Variants in GNB4 observed in about 807,000 individuals in gnomAD.
GNB4 encodes guanine nucleotide-binding protein subunit beta-4.
GNB4 carries 28 observed loss-of-function variants against 45.2 expected under a neutral mutation model. That is an observed-to-expected ratio of 0.62 (90% confidence interval 0.46 to 0.85). The LOEUF is 0.85. GNB4 is among the 40% of genes least tolerant of loss of function. The pLI is 0.00. For synonymous variants in GNB4, 132 were observed against 143.7 expected, an observed-to-expected ratio of 0.92 and a Z score of 0.58; for missense variants, 321 against 425.4, an observed-to-expected ratio of 0.75 and a Z score of 2.16.
chr3:179,513,859 A>C, the GNB4 span, among the ~76,000 whole-genome samples: 1 of 152,238 alleles, frequency 6.6e-6, no homozygotes, highest in Non-Finnish European at 1.5e-5. Flanking sequence ...AAAATATAAA[A>C]TAAAAGCCCT....
At chr3:179,430,283 G>C (rs766269348) in intron 1 of GNB4, among the ~76,000 whole-genome samples, 14 of 152,038 alleles carry the variant, frequency 9.2e-5, no homozygotes, top group Admixed American at 2.6e-4. Flanking sequence ...TAGAGACAGG[G>C]TCGCCATGTT....
the GNB4 span, among the ~76,000 whole-genome samples, chr3:179,519,548 G>C: frequency 1.5e-3 from 229 of 152,118 alleles, no homozygotes; most frequent in African/African-American, 4.3e-3. Flanking sequence ...CCCCAACTCT[G>C]GTGCCAACTT....
chr3:179,486,186 A>C, the GNB4 span, among the ~76,000 whole-genome samples: 1 of 144,220 alleles, frequency 6.9e-6, no homozygotes, highest in South Asian at 2.2e-4. Flanking sequence ...GTGCCACTGC[A>C]CTCCAGCTTG....
At chr3:179,477,528 C>T in the GNB4 span, among the ~76,000 whole-genome samples, 6 of 152,142 alleles carry the variant, frequency 3.9e-5, no homozygotes, top group African/African-American at 1.2e-4. Context: ...GAGACCTTAT[C>T]AGAATGACCT....
In GNB4 at chr3:179,434,905, C is replaced by T. The variant is rs182553369; in HGVS notation, c.-42-8663G>A. On this transcript the variant is annotated intron_variant, in intron 1 of 9. Transcript: ENST00000232564. ...CTCCAGCCTGGGCAGCAGAATGACA[C>T]CCTGTCTCTTAAAAATAAATAAATA... Among the ~76,000 whole-genome samples the T allele has an allele frequency of 5.3e-5, 8 of 151,976 alleles. 2 individuals carry two copies. The highest frequency in any genetic ancestry group is 2.1e-4 in the South Asian group (1 of 4,816).
At chr3:179,430,855 T>C (rs1358436116) in intron 1 of GNB4, among the ~76,000 whole-genome samples, 5 of 152,160 alleles carry the variant, frequency 3.3e-5, no homozygotes, top group African/African-American at 1.2e-4. Context: ...TTTTTATTTA[T>C]AAAATGTTCT....
the GNB4 span, among the ~76,000 whole-genome samples, chr3:179,500,506 T>C: frequency 6.6e-6 from 1 of 152,374 alleles, no homozygotes; most frequent in African/African-American, 2.4e-5. Context: ...TAGTTTGAAG[T>C]CAGGTAGCGT....
chr3:179,407,518 A>G (rs982041693), intron 8 of GNB4, among the ~76,000 whole-genome samples: 1 of 152,192 alleles, frequency 6.6e-6, no homozygotes, highest in African/African-American at 2.4e-5. Flanking sequence ...TTACTACCTT[A>G]CTACCATCTT....
chr3:179,467,322 C>T, the GNB4 span, among the ~76,000 whole-genome samples: 2 of 152,168 alleles, frequency 1.3e-5, no homozygotes, highest in African/African-American at 4.8e-5. Context: ...AGAATTTATA[C>T]TTAGGCATAG....
At chr3:179,516,931 T>C in the GNB4 span, among the ~76,000 whole-genome samples, 2 of 152,188 alleles carry the variant, frequency 1.3e-5, no homozygotes, top group Non-Finnish European at 2.9e-5. Flanking sequence ...TTGCAGTGAA[T>C]GACTCCAGCT....
chr3:179,415,791 A>C (rs531022573), intron 5 of GNB4, among the ~76,000 whole-genome samples: 1 of 152,210 alleles, frequency 6.6e-6, no homozygotes, highest in Admixed American at 6.5e-5. Flanking sequence ...AATGTGCTTA[A>C]TGATGATTAA....
the GNB4 span, among the ~76,000 whole-genome samples, chr3:179,511,673 T>C: frequency 6.6e-6 from 1 of 152,022 alleles, no homozygotes; most frequent in Admixed American, 6.5e-5. Flanking sequence ...GAGGATTAAA[T>C]GATGTTAATA....
intron 1 of GNB4, among the ~76,000 whole-genome samples, chr3:179,444,073 C>T (rs967327370): frequency 8.5e-5 from 13 of 152,164 alleles, no homozygotes; most frequent in Non-Finnish European, 1.9e-4. Context: ...CTTCAGCATC[C>T]TCTCATAATC....
At chr3:179,466,723 T>C in the GNB4 span, among the ~76,000 whole-genome samples, 2 of 152,344 alleles carry the variant, frequency 1.3e-5, no homozygotes, top group East Asian at 3.9e-4. Context: ...AGAAGTATTA[T>C]GTCAACCTGT....
At position 179,399,893 on chromosome 3, in the gene GNB4, G is replaced by A; in HGVS notation, c.*1320C>T. 6.6e-6 allele frequency: 1 copy of A among 152,160 alleles called. No homozygotes were observed. Among genetic ancestry groups the A allele is most frequent in the South Asian group, 2.1e-4 (1 of 4,832 alleles). The allele number at this position is 152,160 out of a possible 1,614,324, so 9.4% of individuals were successfully genotyped here. A position where few individuals can be genotyped will look rare whatever the true frequency, so the allele number is the denominator to read the frequency against. On this transcript the variant is annotated 3_prime_UTR_variant, in exon 10 of 10. Coordinates refer to ENST00000232564, the MANE Select transcript of GNB4 (RefSeq NM_021629.4). ...CTTATTTGTAAAAGAGAATCCAACAGGAAAAGTATCTTTAACTTGGTCGTG... is the reference window on the plus strand; with the variant it reads ...CTTATTTGTAAAAGAGAATCCAACAAGAAAAGTATCTTTAACTTGGTCGTG...
At chr3:179,455,492 A>G (rs945583973), upstream of GNB4, among the ~76,000 whole-genome samples, 1 of 152,222 alleles carries the variant, frequency 6.6e-6, no homozygotes, top group Non-Finnish European at 1.5e-5. Flanking sequence ...CGATTGACAA[A>G]TAGACAACAC....
chr3:179,489,740 T>TA, the GNB4 span, among the ~76,000 whole-genome samples: 59 of 152,356 alleles, frequency 3.9e-4, no homozygotes, highest in African/African-American at 1.3e-3. Flanking sequence ...AATTAACATT[T>TA]ATTTTCTACC....
chr3:179,439,149 C>A (rs1021852348), intron 1 of GNB4, among the ~76,000 whole-genome samples: 1 of 152,174 alleles, frequency 6.6e-6, no homozygotes, highest in East Asian at 1.9e-4. Context: ...CAAGTCTTCA[C>A]GGTGAGTCTG....
chr3:179,404,334 A>G (rs996581258), intron 9 of GNB4, among the ~76,000 whole-genome samples: 2 of 152,186 alleles, frequency 1.3e-5, no homozygotes, highest in Non-Finnish European at 2.9e-5. Context: ...CTTCTCATCC[A>G]TGATAATAGG....
Sources: gnomAD v4.1 joint callset for allele counts (sites outside exome capture counted in the v4.1 genomes callset) on GRCh38, gnomAD v4.1.1 for gene constraint, MANE v1.5 for transcripts, NCBI Gene and HGNC (gene_info 2026-07-23, HGNC 2026-07-21) for gene names.